The following TUSC3 variants were observed in gnomAD, a reference collection of about 807,000 sequenced individuals.
TUSC3 encodes the protein dolichyl-diphosphooligosaccharide--protein glycosyltransferase subunit TUSC3.
In TUSC3, 45 loss-of-function variants were observed where a neutral mutation model predicts 44.8. The observed-to-expected ratio is 1.00, with a 90% CI of 0.79 to 1.29. The LOEUF (loss-of-function observed/expected upper bound fraction) is 1.29, where lower values mean the gene tolerates loss of function less well. TUSC3 is among the 50% of genes most tolerant of loss of function. TUSC3 has a pLI of 0.00. For missense variants in TUSC3, 519 were observed against 437.9 expected, an observed-to-expected ratio of 1.19 and a Z score of -1.65; for synonymous variants, 212 against 152.9, an observed-to-expected ratio of 1.39 and a Z score of -2.85.
chr8:15,752,567 A>G (rs1406966544), intron 9 of TUSC3, among the ~76,000 whole-genome samples: 2 of 152,078 alleles, frequency 1.3e-5, no homozygotes, highest in Non-Finnish European at 2.9e-5. Flanking sequence ...GTGTTCTGGT[A>G]TTTTAGTACT....
intron 6 of TUSC3, among the ~76,000 whole-genome samples, chr8:15,722,056 A>G (rs1225922766): frequency 6.6e-6 from 1 of 152,024 alleles, no homozygotes; most frequent in Non-Finnish European, 1.5e-5. Context: ...CTGAAACACA[A>G]TTGATTCCCA....
At chr8:15,523,199 A>T (rs2129129743) in intron 2 of TUSC3, among the ~76,000 whole-genome samples, 1 of 152,312 alleles carries the variant, frequency 6.6e-6, no homozygotes. Flanking sequence ...CCACTGCACC[A>T]GTGAGTGAGA....
intron 7 of TUSC3, among the ~76,000 whole-genome samples, chr8:15,738,629 G>A (rs1811036614): frequency 6.6e-6 from 1 of 151,850 alleles, no homozygotes; most frequent in African/African-American, 2.4e-5. Context: ...ATAGGCTGTG[G>A]TCAATAAAGA....
At chr8:15,733,138 G>A (rs1179744917) in intron 7 of TUSC3, among the ~76,000 whole-genome samples, 1 of 151,998 alleles carries the variant, frequency 6.6e-6, no homozygotes, top group Non-Finnish European at 1.5e-5. Context: ...AGGTGCCTTC[G>A]GTGAGAAAAG....
chr8:15,643,171 G>A (rs1402163821), intron 2 of TUSC3, among the ~76,000 whole-genome samples: 2 of 152,032 alleles, frequency 1.3e-5, no homozygotes, highest in Non-Finnish European at 2.9e-5. Context: ...CTTCCCTTTT[G>A]CCTTCCGCCA....
Position 15,585,414 on chromosome 8 carries a change from C to CA in TUSC3, c.139-37665dup, listed in dbSNP as rs1803555898. ...GACCTAGAGAAGTAAGAAACGTGGA[C>CA]ACAAAGGGTGAGGTTGGAGCGAAAG... On this transcript the variant is annotated intron_variant, in intron 1 of 10. Transcript: ENST00000503731. Among the ~76,000 whole-genome samples, 5 of 152,228 alleles carry CA rather than the reference C, an allele frequency of 3.3e-5. No individual in the cohort carries two copies. The South Asian group carries it at 8.3e-4, about 25-fold the overall frequency.
At chr8:15,557,001 T>G (rs1409594766) in intron 1 of TUSC3, among the ~76,000 whole-genome samples, 1,768 of 145,904 alleles carry the variant, frequency 0.012, 48 homozygotes, top group African/African-American at 0.042. Context: ...AGAAGCTCTT[T>G]AGTTTAATTA....
the TUSC3 span, among the ~76,000 whole-genome samples, chr8:15,842,114 T>G: frequency 6.6e-6 from 1 of 152,164 alleles, no homozygotes; most frequent in Admixed American, 6.5e-5. Flanking sequence ...CACATGTTTT[T>G]TGAGCACTTA....
intron 2 of TUSC3, among the ~76,000 whole-genome samples, chr8:15,523,795 C>G (rs1190561303): frequency 6.7e-6 from 1 of 149,974 alleles, no homozygotes; most frequent in Non-Finnish European, 1.5e-5. Flanking sequence ...CGGAGGCTTA[C>G]GCCTGTAATC....
chr8:15,428,946 T>C (rs898014359), intron 1 of TUSC3, among the ~76,000 whole-genome samples: 14 of 152,222 alleles, frequency 9.2e-5, no homozygotes, highest in Admixed American at 5.9e-4. Flanking sequence ...TGGTGGTTGC[T>C]TTTGCTGTGC....
chr8:15,429,540 A>C (rs897062636), intron 1 of TUSC3, among the ~76,000 whole-genome samples: 1 of 148,542 alleles, frequency 6.7e-6, no homozygotes, highest in African/African-American at 2.6e-5. Flanking sequence ...GATGGCATTG[A>C]ATCTATAAAT....
chr8:15,617,007 G>C lies in TUSC3; in HGVS notation c.139-6073G>C, dbSNP rs1231766277. Among the ~76,000 whole-genome samples, 5 of 152,280 alleles carry C rather than the reference G, an allele frequency of 3.3e-5. 1 individual carries two copies. In the South Asian group the frequency reaches 6.2e-4, roughly 19 times the overall value. ...TGCTGGCCACAGAGATTTCCGGCTAGCGAAGTGGCTTTGAAAGAATCCTGT... is the reference window on the plus strand; with the variant it reads ...TGCTGGCCACAGAGATTTCCGGCTACCGAAGTGGCTTTGAAAGAATCCTGT... On this transcript the variant is annotated intron_variant, in intron 1 of 10. Transcript: ENST00000503731.
At chr8:15,620,768 G>C (rs1805208627) in intron 1 of TUSC3, among the ~76,000 whole-genome samples, 1 of 152,112 alleles carries the variant, frequency 6.6e-6, no homozygotes, top group South Asian at 2.1e-4. Flanking sequence ...GGAAGCATGG[G>C]AAATAGGAGT....
intron 6 of TUSC3, among the ~76,000 whole-genome samples, chr8:15,679,661 G>T (rs964103521): frequency 5.9e-5 from 9 of 152,000 alleles, no homozygotes; most frequent in Admixed American, 3.3e-4. Context: ...GTCATAAAAT[G>T]TTTGCCTATG....
intron 6 of TUSC3, among the ~76,000 whole-genome samples, chr8:15,677,108 T>G (rs1414019834): frequency 6.6e-6 from 1 of 152,146 alleles, no homozygotes; most frequent in Non-Finnish European, 1.5e-5. Flanking sequence ...AGCCTTGAAC[T>G]CCTGGCTCAA....
chr8:15,602,227 A>G (rs938085356), intron 1 of TUSC3, among the ~76,000 whole-genome samples: 2 of 151,606 alleles, frequency 1.3e-5, no homozygotes, highest in African/African-American at 2.4e-5. Flanking sequence ...TACTCAGCCT[A>G]TATATAGGCC....
rs547624384 is a variant in TUSC3, at chr8:15,659,942, T to A, written c.567+295T>A. ...GTTTCAGTGGTAGTAATCAAGGAAA[T>A]TCTAATTAAAAAGCAAGATATATAA... On this transcript the variant is annotated intron_variant, in intron 4 of 10. Transcript: ENST00000503731. 5.5e-3 allele frequency among the ~76,000 whole-genome samples: 833 copies of A among 152,156 alleles called. 3 individuals are homozygous for A. Among genetic ancestry groups the A allele is most frequent in the South Asian group, 0.014 (68 of 4,828 alleles).
At chr8:15,494,408 C>CT (rs1380439999) in intron 2 of TUSC3, among the ~76,000 whole-genome samples, 1 of 151,500 alleles carries the variant, frequency 6.6e-6, no homozygotes, top group Non-Finnish European at 1.5e-5. Flanking sequence ...GCCTCTGCCT[C>CT]CCAGGTTCAA....
At chr8:15,543,620 G>C (rs1801762925) in intron 1 of TUSC3, among the ~76,000 whole-genome samples, 1 of 151,868 alleles carries the variant, frequency 6.6e-6, no homozygotes, top group African/African-American at 2.4e-5. Context: ...AAAATGCTTA[G>C]TGCAATGCGT....
Sources: allele counts gnomAD v4.1 joint callset (sites outside exome capture counted in the v4.1 genomes callset), GRCh38; gene constraint gnomAD v4.1.1; transcripts MANE v1.5; gene names NCBI Gene and HGNC (gene_info 2026-07-23, HGNC 2026-07-21).